OLFM3: variants seen among roughly 807,000 people sequenced by gnomAD.
OLFM3 encodes the protein noelin-3.
A neutral mutation model predicts 48.6 loss-of-function variants in OLFM3; 20 were observed. The observed-to-expected ratio is 0.41, with a 90% CI of 0.29 to 0.60. The LOEUF (loss-of-function observed/expected upper bound fraction) is 0.60, where lower values mean the gene tolerates loss of function less well. OLFM3 is among the 20% of genes least tolerant of loss of function. OLFM3 has a pLI of 0.28. For missense variants in OLFM3, 437 were observed against 544.3 expected, an observed-to-expected ratio of 0.80 and a Z score of 1.96; for synonymous variants, 222 against 198.1, an observed-to-expected ratio of 1.12 and a Z score of -1.01.
intron 1 of OLFM3, among the ~76,000 whole-genome samples, chr1:101,951,957 A>G (rs1421835231): frequency 6.6e-6 from 1 of 152,184 alleles, no homozygotes; most frequent in Non-Finnish European, 1.5e-5. Flanking sequence ...TCTTTTAAAT[A>G]AAACTAAAAT....
intron 1 of OLFM3, among the ~76,000 whole-genome samples, chr1:101,937,667 A>G (rs1445997104): frequency 6.6e-6 from 1 of 152,166 alleles, no homozygotes; most frequent in African/African-American, 2.4e-5. Context: ...CTGTATGTCC[A>G]TTAAACCTCT....
chr1:101,898,330 A>C (rs1411370520), intron 1 of OLFM3, among the ~76,000 whole-genome samples: 1 of 152,210 alleles, frequency 6.6e-6, no homozygotes, highest in Non-Finnish European at 1.5e-5. Context: ...ACCCAACATC[A>C]TATAACTAGT....
At chr1:101,974,348 C>T (rs2101100303) in intron 1 of OLFM3, among the ~76,000 whole-genome samples, 1 of 152,178 alleles carries the variant, frequency 6.6e-6, no homozygotes, top group African/African-American at 2.4e-5. Flanking sequence ...TTGACATCAA[C>T]CTGCTGATTG....
intron 4 of OLFM3, among the ~76,000 whole-genome samples, chr1:101,808,127 G>A (rs544645461): frequency 1.6e-4 from 17 of 104,638 alleles, no homozygotes; most frequent in Admixed American, 1.1e-3. Flanking sequence ...CCCTAAAAAC[G>A]TCATAAAACA....
intron 5 of OLFM3, 115 bp downstream of exon 5, chr1:101,805,961 T>C: frequency 1.6e-6 from 1 of 617,962 alleles, no homozygotes; most frequent in East Asian, 2.9e-5. Context: ...ATTTGCAAAT[T>C]ATGTACCAGT....
chr1:101,818,410 A>G (rs1654438841), intron 4 of OLFM3, among the ~76,000 whole-genome samples: 1 of 152,188 alleles, frequency 6.6e-6, no homozygotes, highest in Non-Finnish European at 1.5e-5. Context: ...AGAAAGAATA[A>G]AATGCATAGC....
chr1:101,882,212 T>A (rs1165631376), intron 1 of OLFM3, among the ~76,000 whole-genome samples: 1 of 150,942 alleles, frequency 6.6e-6, no homozygotes, highest in Non-Finnish European at 1.5e-5. Flanking sequence ...TACATAAGTA[T>A]TGACTATATA....
intron 1 of OLFM3, among the ~76,000 whole-genome samples, chr1:101,979,532 A>G (rs910057371): frequency 1.3e-5 from 2 of 152,132 alleles, no homozygotes; most frequent in African/African-American, 4.8e-5. Flanking sequence ...CTGCCTTGTG[A>G]AAAAGGTGCC....
rs1230620005 is a variant in OLFM3 at position 101,804,281 on chromosome 1, T to C, written c.1334A>G (p.Asn445Ser). ...CTTGATGATATGGAAAAGGGTGACA[T>C]TGAACAGCACCTGGTGGCCATTGTT... is the stretch of plus-strand genomic sequence containing the variant. Reference protein sequence around the residue: ...AWNNGHQVLFNVTLFHIIKTE... With the variant: ...AWNNGHQVLFSVTLFHIIKTE... The change falls in exon 6 of 6, where the codon AAT becomes AGT. Residue 445 changes from asparagine (N) to serine (S), a missense_variant. Around this residue, in one of 3 missense-constraint regions of OLFM3, gnomAD observed 108 missense variants for 135.8 expected, o/e 0.80. Transcript: ENST00000370103. The surrounding 1 kb of genome is among the most constrained non-coding windows in gnomAD (Gnocchi z 4.5). 4 of 1,608,760 alleles carry C rather than the reference T, an allele frequency of 2.5e-6. No homozygotes were observed. Among genetic ancestry groups the C allele is most frequent in the African/African-American group, 1.3e-5 (1 of 74,708 alleles).
intron 1 of OLFM3, among the ~76,000 whole-genome samples, chr1:101,863,065 A>C (rs1198013593): frequency 1.3e-5 from 2 of 151,462 alleles, no homozygotes; most frequent in African/African-American, 4.9e-5. Flanking sequence ...TGTTGAAGCA[A>C]TTCTCATGTA....
chr1:101,920,182 A>G (rs917795410), intron 1 of OLFM3, among the ~76,000 whole-genome samples: 1 of 152,164 alleles, frequency 6.6e-6, no homozygotes, highest in Non-Finnish European at 1.5e-5. Flanking sequence ...TTCAAATACA[A>G]TATGCAGAGT....
intron 1 of OLFM3, among the ~76,000 whole-genome samples, chr1:101,904,853 CA>C (rs930174793): frequency 6.6e-6 from 1 of 152,132 alleles, no homozygotes; most frequent in African/African-American, 2.4e-5. Flanking sequence ...CTACTCCCCA[CA>C]GTCACAGCAA....
chr1:101,848,835 A>C lies in OLFM3; in HGVS notation c.70-11810T>G, dbSNP rs575072602. On this transcript the variant is annotated intron_variant, in intron 1 of 5. Transcript: ENST00000370103. ...TTTCCAAAATTGAAAGAAAATATAC[A>C]TATAATTACTAGATAATTTAAGAAA... Among the ~76,000 whole-genome samples, 8 of 152,314 alleles carry C rather than the reference A, an allele frequency of 5.3e-5. 1 individual carries two copies. The South Asian group carries it at 1.7e-3, about 32-fold the overall frequency.
rs1658688626 is a variant in OLFM3 at position 101,909,827 on chromosome 1, G to C, written c.70-72802C>G. On this transcript the variant is annotated intron_variant, in intron 1 of 5. Transcript: ENST00000370103. The stretch of plus-strand genomic sequence containing the variant: ...TTATTTTCTGAAATAATTGCTTTTG[G>C]GGACATTAAAAATGTTTGTAATTAA... 2.6e-5 allele frequency among the ~76,000 whole-genome samples: 4 copies of C among 152,034 alleles called. No individual in the cohort carries two copies. The East Asian group carries it at 7.7e-4, about 29-fold the overall frequency.
At chr1:101,828,052 C>CTGTCTGTCTCTCTCTG (rs747561274) in intron 3 of OLFM3, among the ~76,000 whole-genome samples, 1 of 125,298 alleles carries the variant, frequency 8.0e-6, no homozygotes, top group African/African-American at 2.9e-5. Flanking sequence ...GTCTGTCTGT[C>CTGTCTGTCTCTCTCTG]TCTCTCTCTC....
At chr1:101,928,425 A>G (rs777795602) in intron 1 of OLFM3, among the ~76,000 whole-genome samples, 14 of 151,938 alleles carry the variant, frequency 9.2e-5, no homozygotes, top group Non-Finnish European at 1.5e-4. Flanking sequence ...ATAGATCCTG[A>G]CTCCTTCTTA....
intron 1 of OLFM3, among the ~76,000 whole-genome samples, chr1:101,843,426 C>T (rs576823937): frequency 2.6e-5 from 4 of 152,270 alleles, no homozygotes; most frequent in East Asian, 1.9e-4. Context: ...TCAAGAGACG[C>T]GCCAGAGGGA....
chr1:101,846,954 T>C (rs1251308703), intron 1 of OLFM3: 3 of 1,612,168 alleles, frequency 1.9e-6, no homozygotes, highest in Non-Finnish European at 2.5e-6. Context: ...AGCGCCAAGC[T>C]TCAGCAGTGG....
intron 1 of OLFM3, among the ~76,000 whole-genome samples, chr1:101,973,879 T>G (rs894476318): frequency 6.6e-6 from 1 of 152,204 alleles, no homozygotes. Flanking sequence ...TTGGCAGTTT[T>G]GATAAAAAGA....
Sources: gnomAD v4.1 joint callset for allele counts (sites outside exome capture counted in the v4.1 genomes callset) on GRCh38, gnomAD v4.1.1 for gene constraint, gnomAD v4.1.1 regional missense constraint, Gnocchi (gnomAD v3.1) non-coding constraint, MANE v1.5 for transcripts, NCBI Gene and HGNC (gene_info 2026-07-23, HGNC 2026-07-21) for gene names.